Variants in IL17RB observed in about 807,000 individuals in gnomAD.
IL17RB encodes the protein interleukin-17 receptor B.
In IL17RB, 36 loss-of-function variants were observed where a neutral mutation model predicts 43.9. That is an observed-to-expected ratio of 0.82 (90% confidence interval 0.63 to 1.08). IL17RB has a LOEUF of 1.08. IL17RB is among the 50% of genes least tolerant of loss of function. IL17RB has a pLI of 0.00. For missense variants in IL17RB, 613 were observed against 613.6 expected, an observed-to-expected ratio of 1.00 and a Z score of 0.01; for synonymous variants, 225 against 225.4, an observed-to-expected ratio of 1.00 and a Z score of 0.02.
At chr3:53,851,279 C>T (rs970507548) in intron 3 of IL17RB, among the ~76,000 whole-genome samples, 2 of 152,182 alleles carry the variant, frequency 1.3e-5, no homozygotes, top group African/African-American at 4.8e-5. Flanking sequence ...AGTCTCCACC[C>T]AGGAGGATTC....
At chr3:53,861,365 T>C (rs372123146) in intron 10 of IL17RB, 28 of 152,182 alleles carry the variant, frequency 1.8e-4, no homozygotes, top group East Asian at 7.7e-4. Context: ...GGTCTGCAGC[T>C]GTGATTGTTC....
intron 8 of IL17RB, 61 bp downstream of exon 8, chr3:53,857,751 T>C (rs1699397660): frequency 1.4e-6 from 2 of 1,433,142 alleles, no homozygotes; most frequent in African/African-American, 1.4e-5. Context: ...CCATCATTCA[T>C]TGCTTTTAAG....
chr3:53,858,461 GT>G, intron 8 of IL17RB: 1 of 1,296,602 alleles, frequency 7.7e-7, no homozygotes, highest in Non-Finnish European at 9.8e-7. Flanking sequence ...GCCCTTTTAG[GT>G]AAGCGAACTG....
rs888315874 is a variant in IL17RB, at chr3:53,858,555, T to C, written c.748-164T>C. On this transcript the variant is annotated intron_variant, in intron 8 of 10. Coordinates refer to ENST00000288167, the MANE Select transcript of IL17RB (RefSeq NM_018725.4). Reference sequence around the variant, plus strand: ...GGTCTCGGGTCACTGGTTTTGACTTTAGGGCTTTGTTACAGATGTGTGACC... The same window carrying C: ...GGTCTCGGGTCACTGGTTTTGACTTCAGGGCTTTGTTACAGATGTGTGACC... 2.1e-6 allele frequency: 3 copies of C among 1,437,670 alleles called. No homozygotes were observed. The African/African-American group carries it at 4.3e-5, about 21-fold the overall frequency. 89.1% of individuals were successfully genotyped at this position (1,437,670 alleles called of 1,614,324 possible).
chr3:53,846,964 C>G (rs1055474924), intron 1 of IL17RB, among the ~76,000 whole-genome samples: 2 of 152,208 alleles, frequency 1.3e-5, no homozygotes, highest in South Asian at 4.1e-4. Context: ...GGTATAACGA[C>G]ATGGCCTGCA....
At chr3:53,861,416 CA>C (rs1482377342) in intron 10 of IL17RB, 1 of 151,666 alleles carries the variant, frequency 6.6e-6, no homozygotes, top group African/African-American at 2.4e-5. Context: ...GGACCATAGT[CA>C]AAAAAGAAAA....
At chr3:53,848,875 C>T (rs1197857785) in intron 2 of IL17RB, among the ~76,000 whole-genome samples, 187 bp downstream of exon 2, 3 of 152,154 alleles carry the variant, frequency 2.0e-5, no homozygotes, top group African/African-American at 7.2e-5. Flanking sequence ...GGAATGAGGC[C>T]GTGTTTCAGA....
At chr3:53,863,149 C>T (rs545645804) in intron 10 of IL17RB, among the ~76,000 whole-genome samples, 1 of 152,200 alleles carries the variant, frequency 6.6e-6, no homozygotes, top group East Asian at 1.9e-4. Context: ...ACATAACATG[C>T]AAAATATGTG....
intron 2 of IL17RB, 66 bp downstream of exon 2, chr3:53,848,754 C>T (rs766805379): frequency 7.2e-6 from 11 of 1,527,260 alleles, no homozygotes; most frequent in Non-Finnish European, 9.1e-6. Context: ...TTTTAGGAAG[C>T]CTAATATAGG....
At position 53,856,884 on chromosome 3, in the gene IL17RB, TGAG is replaced by T. The variant is rs1161472681; in HGVS notation, c.574_576del (p.Glu192del). 1.2e-5 allele frequency: 20 copies of T among 1,613,974 alleles called. No individual in the cohort carries two copies. Among genetic ancestry groups the T allele is most frequent in the Admixed American group, 1.2e-4 (7 of 59,994 alleles). ...CGAACATCACTGCTTGTAAGAAGAA[TGAG>T]GAGACAGTAGAAGTGAACTTCACAA... On this transcript the variant is annotated inframe_deletion, in exon 7 of 11. Transcript: ENST00000288167.
intron 4 of IL17RB, 72 bp from the exon 5 acceptor site, chr3:53,852,799 C>T: frequency 6.9e-7 from 1 of 1,445,656 alleles, no homozygotes; most frequent in Non-Finnish European, 9.5e-7. Context: ...ACTAAAAGGG[C>T]AACACACTAA....
At chr3:53,847,382 C>T (rs1037839874) in intron 1 of IL17RB, among the ~76,000 whole-genome samples, 16 of 151,842 alleles carry the variant, frequency 1.1e-4, no homozygotes, top group African/African-American at 3.9e-4. Context: ...GCTGTAGTTG[C>T]TGCAAGGCCA....
intron 1 of IL17RB, among the ~76,000 whole-genome samples, chr3:53,847,538 A>T (rs909736412): frequency 6.6e-6 from 1 of 151,888 alleles, no homozygotes; most frequent in East Asian, 1.9e-4. Flanking sequence ...TCACGCCTGT[A>T]ATCCCAGCAC....
intron 10 of IL17RB, chr3:53,860,468 A>G (rs1699522485): frequency 2.8e-6 from 1 of 361,232 alleles, no homozygotes; most frequent in Admixed American, 4.2e-5. Flanking sequence ...TATTTTTACC[A>G]TTGAGCCTTC....
intron 8 of IL17RB, chr3:53,858,349 G>A: frequency 9.7e-7 from 1 of 1,031,686 alleles, no homozygotes. Context: ...CTTACTACAG[G>A]GACTTGCATG....
In IL17RB at chr3:53,865,219, G is replaced by A. The variant is rs1289093420; in HGVS notation, c.1420G>A (p.Ala474Thr). The A allele has an allele frequency of 2.5e-6, 4 of 1,613,744 alleles. No individual in the cohort carries two copies. In the African/African-American group the frequency reaches 5.3e-5, roughly 22 times the overall value. The change falls in exon 11 of 11, where the codon GCT becomes ACT. Residue 474 changes from alanine (A) to threonine (T), a missense_variant. By Grantham distance (58) the Ala-to-Thr change is moderately conservative. Transcript: ENST00000288167. ...GTACCACCTCATGAAGGATGCCACTGCTTTCTGTGCAGAACTTCTCCATGT... is the reference window on the plus strand; with the variant it reads ...GTACCACCTCATGAAGGATGCCACTACTTTCTGTGCAGAACTTCTCCATGT... ...PKYHLMKDAT[A>T]FCAELLHVKQ... is the part of the protein sequence containing the mutation.
At chr3:53,847,173 T>C (rs1410513951) in intron 1 of IL17RB, among the ~76,000 whole-genome samples, 3 of 152,038 alleles carry the variant, frequency 2.0e-5, no homozygotes, top group African/African-American at 7.2e-5. Flanking sequence ...GAAGAGAAAA[T>C]AGCTCATCCC....
chr3:53,857,946 CACAG>C (rs1559780130), intron 8 of IL17RB: 1 of 476,772 alleles, frequency 2.1e-6, no homozygotes. Flanking sequence ...CATTTTCTGT[CACAG>C]ACACTCAGGG....
intron 7 of IL17RB, among the ~76,000 whole-genome samples, chr3:53,857,379 G>A (rs979501635): frequency 1.3e-5 from 2 of 151,926 alleles, no homozygotes; most frequent in African/African-American, 4.8e-5. Context: ...TCCACCTCCC[G>A]GGCTCAAGTG....
Sources: allele counts gnomAD v4.1 joint callset (sites outside exome capture counted in the v4.1 genomes callset), GRCh38; gene constraint gnomAD v4.1.1; transcripts MANE v1.5; gene names NCBI Gene and HGNC (gene_info 2026-07-23, HGNC 2026-07-21).